The following BLTP2 variants were observed in gnomAD, a reference collection of about 807,000 sequenced individuals.
BLTP2 encodes U937-associated antigen.
At chr17:28,639,150 A>T in the BLTP2 span, 1 of 688,678 alleles carries the variant, frequency 1.5e-6, no homozygotes, top group Non-Finnish European at 2.5e-6. Context: ...GCTATCAAGG[A>T]GTCTAGTCTA....
At chr17:28,626,637 A>G in the BLTP2 span, among the ~76,000 whole-genome samples, 1 of 152,194 alleles carries the variant, frequency 6.6e-6, no homozygotes, top group East Asian at 1.9e-4. Context: ...GGTTTAATCA[A>G]TCATGCCTAC....
At chr17:28,625,405 A>G in the BLTP2 span, among the ~76,000 whole-genome samples, 1 of 150,274 alleles carries the variant, frequency 6.7e-6, no homozygotes, top group Non-Finnish European at 1.5e-5. Flanking sequence ...AAAATACATA[A>G]AAATATTCTC....
chr17:28,635,103 A>G, the BLTP2 span: 1 of 1,613,012 alleles, frequency 6.2e-7, no homozygotes, highest in Non-Finnish European at 8.5e-7. Context: ...ACTGATAAGG[A>G]AACTCCACCG....
the BLTP2 span, chr17:28,619,805 C>A: frequency 6.2e-7 from 1 of 1,613,628 alleles, no homozygotes; most frequent in African/African-American, 1.3e-5. Flanking sequence ...ACTGAGAGAC[C>A]GCCCTCGTTC....
the BLTP2 span, among the ~76,000 whole-genome samples, chr17:28,641,617 G>A: frequency 6.6e-6 from 1 of 151,540 alleles, no homozygotes; most frequent in Non-Finnish European, 1.5e-5. Context: ...CTCCAGCCTG[G>A]GTGACAGAGC....
chr17:28,620,596 C>T, the BLTP2 span: 1 of 1,614,138 alleles, frequency 6.2e-7, no homozygotes, highest in South Asian at 1.1e-5. Context: ...AAATTTCCAG[C>T]TCATGGTGGA....
At chr17:28,632,992 G>A in the BLTP2 span, 13 of 1,568,424 alleles carry the variant, frequency 8.3e-6, no homozygotes, top group East Asian at 1.6e-4. Flanking sequence ...GAGGTTCTCC[G>A]AGCGAAAGGC....
At chr17:28,627,110 G>C in the BLTP2 span, among the ~76,000 whole-genome samples, 1 of 152,156 alleles carries the variant, frequency 6.6e-6, no homozygotes, top group Non-Finnish European at 1.5e-5. Flanking sequence ...CTTGCTTATT[G>C]GTTGGGAAAA....
chr17:28,640,098 A>C, the BLTP2 span: 1 of 1,564,640 alleles, frequency 6.4e-7, no homozygotes, highest in South Asian at 1.1e-5. Context: ...TATTTTTTAA[A>C]AGTAATTATT....
the BLTP2 span, chr17:28,634,914 A>G: frequency 6.2e-7 from 1 of 1,613,962 alleles, no homozygotes; most frequent in Non-Finnish European, 8.5e-7. Flanking sequence ...CGTAGTTATC[A>G]TGAAGTTTCA....
At chr17:28,640,133 T>G in the BLTP2 span, 1 of 1,250,572 alleles carries the variant, frequency 8.0e-7, no homozygotes, top group Non-Finnish European at 1.1e-6. Context: ...AGTGGCTCAC[T>G]CTTGTAATCC....
chr17:28,640,835 A>G, the BLTP2 span: 1 of 669,730 alleles, frequency 1.5e-6, no homozygotes, highest in African/African-American at 1.8e-5. Context: ...TGCCCCAGAG[A>G]TCCAGGCACC....
the BLTP2 span, chr17:28,631,414 GC>G: frequency 1.4e-6 from 2 of 1,429,454 alleles, no homozygotes; most frequent in Non-Finnish European, 2.0e-6. Context: ...TGTTATGGCA[GC>G]CCAAGTAGGC....
chr17:28,636,837 A>G, the BLTP2 span: 6 of 756,400 alleles, frequency 7.9e-6, no homozygotes, highest in East Asian at 1.6e-4. Flanking sequence ...CCAGTAGTTT[A>G]AGACCAGTCT....
the BLTP2 span, chr17:28,640,813 CCATAAGGCGAATGCCCCAGAGA>C: frequency 1.5e-5 from 12 of 797,524 alleles, no homozygotes; most frequent in Non-Finnish European, 2.2e-5. Flanking sequence ...GCTGGATGGA[CCATAAGGCGAATGCCCCAGAGA>C]TCCAGGCACC....
chr17:28,643,907 A>G, the BLTP2 span: 4,481 of 1,080,580 alleles, frequency 4.1e-3, 130 homozygotes, highest in African/African-American at 0.062. Context: ...GCGTTCTCCA[A>G]CTAGCTCTAA....
At chr17:28,639,495 T>G in the BLTP2 span, 1 of 1,613,548 alleles carries the variant, frequency 6.2e-7, no homozygotes, top group Admixed American at 1.7e-5. Flanking sequence ...GGGTTTGGGT[T>G]TTATTTCACA....
chr17:28,636,265 CAAG>C, the BLTP2 span, among the ~76,000 whole-genome samples: 1 of 152,248 alleles, frequency 6.6e-6, no homozygotes, highest in Admixed American at 6.5e-5. Flanking sequence ...TGAAGTCTGA[CAAG>C]GAGGAACTAA....
chr17:28,636,884 G>T, the BLTP2 span: 1 of 942,602 alleles, frequency 1.1e-6, no homozygotes, highest in African/African-American at 2.1e-5. Context: ...GAAAAGACAA[G>T]AAAAAAAAAA....
Sources: allele counts gnomAD v4.1 joint callset (sites outside exome capture counted in the v4.1 genomes callset), GRCh38; gene constraint gnomAD v4.1.1; transcripts MANE v1.5; gene names NCBI Gene and HGNC (gene_info 2026-07-23, HGNC 2026-07-21).